PPFIA4: variants seen among roughly 807,000 people sequenced by gnomAD.
PPFIA4 encodes the protein PPFI scaffold protein A4, also known as liprin-alpha-4.
Under a neutral mutation model 145.7 loss-of-function variants are expected in PPFIA4, and 98 were observed. That is an observed-to-expected ratio of 0.67 (90% CI 0.57 to 0.80). PPFIA4 has a LOEUF of 0.80. Ranked by LOEUF, PPFIA4 falls within the 30% of genes least tolerant of loss-of-function variation. The pLI is 0.00. For missense variants in PPFIA4, 1,457 were observed against 1,632.7 expected (o/e 0.89, Z 1.85); for synonymous variants, 628 against 649.6 (o/e 0.97, Z 0.51).
At position 203,076,353 on chromosome 1, in the gene PPFIA4, A is replaced by T; in HGVS notation, c.3587A>T (p.Tyr1196Phe). The change falls in exon 30 of 30, where the codon TAT (tyrosine) becomes TTT (phenylalanine). Residue 1196 changes from tyrosine (Y) to phenylalanine (F), a missense_variant. Tyr to Phe is a conservative substitution (Grantham distance 22, BLOSUM62 3). Around this residue, in one of 3 missense-constraint regions of PPFIA4, gnomAD observed 146 missense variants for 126.2 expected, o/e 1.16. Transcript: ENST00000295706. Reference sequence around the variant, plus strand: ...CTCTCTCCCTCAGCTCACTCCCACTATCTCTACGGACACATGCTCTCCGCC... The same window carrying T: ...CTCTCTCCCTCAGCTCACTCCCACTTTCTCTACGGACACATGCTCTCCGCC... ...KKIMPEAHSHYLYGHMLSAFR... is the reference protein window; with the variant it reads ...KKIMPEAHSHFLYGHMLSAFR... 6.2e-7 allele frequency: 1 copy of T among 1,606,630 alleles called. No homozygotes were observed. Among genetic ancestry groups the T allele is most frequent in the Non-Finnish European group, 8.5e-7 (1 of 1,179,718 alleles).
intron 18 of PPFIA4, 134 bp downstream of exon 18, chr1:203,056,642 G>A (rs1292094205): frequency 1.5e-6 from 2 of 1,362,094 alleles, no homozygotes; most frequent in Non-Finnish European, 1.0e-6. Flanking sequence ...CACCATCAGG[G>A]AAGGGAGTTC....
In PPFIA4 at chr1:203,043,514, C is replaced by T. The variant is rs768281145; in HGVS notation, c.336+16C>T. On this transcript the variant is annotated intron_variant, in intron 3 of 29. Coordinates refer to ENST00000295706, the MANE Select transcript of PPFIA4 (RefSeq NM_001304331.2). The surrounding 1 kb of genome is among the most constrained non-coding windows in gnomAD (Gnocchi z 4.4). Reference sequence around the variant, plus strand: ...TAACACACGGGTAAGTGGGGATGACCTTGTGTCGCGCGCGCGCACGTGTGT... The same window carrying T: ...TAACACACGGGTAAGTGGGGATGACTTTGTGTCGCGCGCGCGCACGTGTGT... 1.3e-6 allele frequency: 2 copies of T among 1,596,542 alleles called. No individual in the cohort carries two copies. Among genetic ancestry groups the T allele is most frequent in the South Asian group, 1.1e-5 (1 of 88,952 alleles).
rs779726685 is a variant in PPFIA4 at position 203,043,912 on chromosome 1, C to T, written c.337-19C>T. The T allele has an allele frequency of 1.0e-5, 16 of 1,584,164 alleles. No individual in the cohort carries two copies. The East Asian group carries it at 3.4e-4, about 33-fold the overall frequency. On this transcript the variant is annotated intron_variant, in intron 3 of 29. Coordinates refer to ENST00000295706, the MANE Select transcript of PPFIA4 (RefSeq NM_001304331.2). The surrounding 1 kb of genome is among the most constrained non-coding windows in gnomAD (Gnocchi z 4.4). ...TGCTTACAGCCCTCCCTCTCACCCT[C>T]CCCTGCTCTCCCTGCCAGCTGCTTC...
intron 29 of PPFIA4, 145 bp from the exon 30 acceptor site, chr1:203,076,196 T>C: frequency 1.1e-6 from 1 of 889,212 alleles, no homozygotes; most frequent in Non-Finnish European, 1.8e-6. Context: ...ACTGCCTGGC[T>C]TGCCCCTTCC....
chr1:203,034,068 T>G (rs960089927), intron 1 of PPFIA4, among the ~76,000 whole-genome samples: 1 of 152,026 alleles, frequency 6.6e-6, no homozygotes, highest in African/African-American at 2.4e-5. Flanking sequence ...TGAGATGATG[T>G]AAAGTAAGAG....
intron 23 of PPFIA4, chr1:203,061,389 G>A (rs989514289): frequency 1.9e-6 from 1 of 523,664 alleles, no homozygotes; most frequent in African/African-American, 1.9e-5. Context: ...GGGAGTGTTG[G>A]GAGAGCTGGG....
chr1:203,075,561 G>A lies in PPFIA4; in HGVS notation c.3394-16G>A. The stretch of plus-strand genomic sequence containing the variant: ...CCAACAGGGCCCTCGGGCCTCTGGT[G>A]TCCCCCATGGTGCAGGGGGATGACA... On this transcript the variant is annotated splice_polypyrimidine_tract_variant and intron_variant, in intron 28 of 29. Transcript: ENST00000295706. This position sits in a 1 kb window ranked among gnomAD's most constrained non-coding sequence, Gnocchi z 4.1. The A allele has an allele frequency of 1.4e-6, 2 of 1,381,966 alleles. No individual in the cohort carries two copies. Among genetic ancestry groups the A allele is most frequent in the South Asian group, 1.8e-5 (1 of 55,150 alleles). The allele number at this position is 1,381,966 out of a possible 1,614,324, so 85.6% of individuals were successfully genotyped here.
At chr1:203,058,134 A>G (rs16850969) in intron 19 of PPFIA4, among the ~76,000 whole-genome samples, 8,754 of 152,184 alleles carry the variant, frequency 0.058, 278 homozygotes, top group Non-Finnish European at 0.075. Flanking sequence ...GAACCTTTGG[A>G]CCCAAATGCA....
chr1:203,051,261 T>A, intron 13 of PPFIA4: 1 of 985,736 alleles, frequency 1.0e-6, no homozygotes, highest in Non-Finnish European at 1.2e-6. Context: ...TGGCTTGAAT[T>A]TTAACCAGGG....
intron 2 of PPFIA4, 48 bp downstream of exon 2, chr1:203,039,290 G>A: frequency 4.3e-6 from 6 of 1,409,238 alleles, no homozygotes; most frequent in Non-Finnish European, 5.7e-6. Context: ...CCCTCCTCTA[G>A]CCCTGCTAGA....
intron 28 of PPFIA4, among the ~76,000 whole-genome samples, chr1:203,072,721 G>A (rs936096255): frequency 3.9e-5 from 6 of 152,226 alleles, no homozygotes; most frequent in African/African-American, 1.2e-4. Context: ...ATCCACCTTT[G>A]TAGAAGGATT....
chr1:203,048,663 C>G lies in PPFIA4; in HGVS notation c.1305C>G (p.Asn435Lys). Residue 435 changes from asparagine (N) to lysine (K), a missense_variant, in exon 11 of 30, where the codon AAC becomes AAG. By Grantham distance (94) the Asn-to-Lys change is moderately conservative. This residue lies in a region of PPFIA4 where 848 missense variants were observed against 1,046.7 expected (regional missense o/e 0.81). Transcript: ENST00000295706. This position sits in a 1 kb window ranked among gnomAD's most constrained non-coding sequence, Gnocchi z 5.8. The part of the protein sequence containing the change: ...DTVDRLLSES[N>K]ERLQLHLKER... Reference sequence around the variant, plus strand: ...TGGACCGGCTGCTCAGCGAGTCCAACGAGCGTCTGCAGCTCCACCTGAAGG... The same window carrying G: ...TGGACCGGCTGCTCAGCGAGTCCAAGGAGCGTCTGCAGCTCCACCTGAAGG... 2.5e-6 allele frequency: 4 copies of G among 1,608,434 alleles called. No homozygotes were observed. The highest frequency in any genetic ancestry group is 2.2e-5 in the South Asian group (2 of 90,188).
intron 2 of PPFIA4, among the ~76,000 whole-genome samples, chr1:203,040,502 G>A (rs1659624859): frequency 6.6e-6 from 1 of 152,172 alleles, no homozygotes; most frequent in Non-Finnish European, 1.5e-5. Context: ...GGCAGGTGGG[G>A]ACCTCCTCTT....
chr1:203,035,183 CT>C, intron 1 of PPFIA4: 1 of 411,924 alleles, frequency 2.4e-6, no homozygotes, highest in Non-Finnish European at 5.0e-6. Context: ...TCCCTCGTGG[CT>C]GCCACCTGGA....
intron 21 of PPFIA4, 70 bp downstream of exon 21, chr1:203,059,921 G>A: frequency 7.7e-7 from 1 of 1,296,300 alleles, no homozygotes; most frequent in African/African-American, 1.5e-5. Context: ...CAGAGGGGTG[G>A]TGTCCTAGAA....
intron 9 of PPFIA4, among the ~76,000 whole-genome samples, chr1:203,047,030 T>TA (rs1287126212): frequency 6.6e-6 from 1 of 152,234 alleles, no homozygotes; most frequent in African/African-American, 2.4e-5. Context: ...ATGCAGGGGT[T>TA]AATCAAAATA....
chr1:203,070,996 C>T (rs1571741605), intron 27 of PPFIA4, among the ~76,000 whole-genome samples: 1 of 151,420 alleles, frequency 6.6e-6, no homozygotes, highest in South Asian at 2.1e-4. Context: ...TTCTATCACC[C>T]GATCTGGAGT....
intron 27 of PPFIA4, among the ~76,000 whole-genome samples, chr1:203,069,755 A>ACCCCCCCCCCCCCCC (rs5780138): frequency 7.6e-5 from 8 of 104,814 alleles, no homozygotes; most frequent in South Asian, 3.6e-4. Context: ...TTCTGCAGTG[A>ACCCCCCCCCCCCCCC]CCCCCCCGCC....
chr1:203,073,643 A>C (rs564088050), intron 28 of PPFIA4, among the ~76,000 whole-genome samples: 1 of 152,158 alleles, frequency 6.6e-6, no homozygotes, highest in Non-Finnish European at 1.5e-5. Flanking sequence ...TCAAGCTTCA[A>C]GGCTCTTAAG....
Sources: allele counts gnomAD v4.1 joint callset (sites outside exome capture counted in the v4.1 genomes callset), GRCh38; gene constraint gnomAD v4.1.1; regional missense constraint gnomAD v4.1.1; non-coding constraint Gnocchi (gnomAD v3.1); transcripts MANE v1.5; gene names NCBI Gene and HGNC (gene_info 2026-07-23, HGNC 2026-07-21).